ZNF326: variants seen among roughly 807,000 people sequenced by gnomAD.
The protein encoded by ZNF326 is zinc finger protein 326.
A neutral mutation model predicts 63.1 loss-of-function variants in ZNF326; 30 were observed. The observed-to-expected ratio is 0.48, with a 90% CI of 0.36 to 0.64. ZNF326 has a LOEUF of 0.64. ZNF326 is among the 30% of genes least tolerant of loss of function. ZNF326 has a pLI of 0.00. For synonymous variants in ZNF326, 194 were observed against 228.2 expected (o/e 0.85, Z 1.35); for missense variants, 609 against 720.3 (o/e 0.85, Z 1.77).
chr1:90,020,664 A>G lies in ZNF326; in HGVS notation c.1175-128A>G, dbSNP rs371353845. The G allele has an allele frequency of 5.3e-5, 44 of 824,952 alleles. No homozygotes were observed. In the South Asian group the frequency reaches 7.9e-4, roughly 15 times the overall value. The allele number at this position is 824,952 out of a possible 1,614,324, so 51.1% of individuals were successfully genotyped here. A position where few individuals can be genotyped will look rare whatever the true frequency, so the allele number is the denominator to read the frequency against. On this transcript the variant is annotated intron_variant, in intron 9 of 11. Transcript: ENST00000340281. ...AGATGTGGTAGAAATACTCAGCATAAACCTATGCACTCTGATCTTTATTTT... is the reference window on the plus strand; with the variant it reads ...AGATGTGGTAGAAATACTCAGCATAGACCTATGCACTCTGATCTTTATTTT...
At chr1:90,017,753 G>A (rs1489710593) in intron 8 of ZNF326, among the ~76,000 whole-genome samples, 1 of 152,118 alleles carries the variant, frequency 6.6e-6, no homozygotes, top group African/African-American at 2.4e-5. Flanking sequence ...AGTTGTGCTG[G>A]TTACATTCAT....
intron 7 of ZNF326, among the ~76,000 whole-genome samples, chr1:90,014,093 C>G (rs973397430): frequency 6.6e-6 from 1 of 150,700 alleles, no homozygotes; most frequent in Non-Finnish European, 1.5e-5. Context: ...ATTGGTTGAA[C>G]AATGAAATAA....
intron 4 of ZNF326, chr1:90,005,947 C>T: frequency 7.1e-6 from 7 of 985,430 alleles, no homozygotes; most frequent in Non-Finnish European, 8.4e-6. Context: ...TAAACAACTA[C>T]AAGCTTTAAG....
At chr1:90,018,654 C>T in intron 8 of ZNF326, 31 bp from the exon 9 acceptor site, 1 of 1,333,464 alleles carries the variant, frequency 7.5e-7, no homozygotes, top group Non-Finnish European at 1.1e-6. Context: ...TCATTGAAAG[C>T]TATTTAGATT....
intron 11 of ZNF326, among the ~76,000 whole-genome samples, chr1:90,027,065 A>ATG (rs59960066): frequency 0.57 from 84,574 of 149,186 alleles, 23,978 homozygotes; most frequent in East Asian, 0.81. Flanking sequence ...ATGTGTATAT[A>ATG]TGTGTGTGTG....
At chr1:90,024,099 A>G (rs1649898256) in intron 11 of ZNF326, among the ~76,000 whole-genome samples, 1 of 152,112 alleles carries the variant, frequency 6.6e-6, no homozygotes, top group Non-Finnish European at 1.5e-5. Context: ...CCCTGTTGTC[A>G]TTCCCCAGAA....
At chr1:90,019,988 C>T (rs1360553160) in intron 9 of ZNF326, among the ~76,000 whole-genome samples, 1 of 152,056 alleles carries the variant, frequency 6.6e-6, no homozygotes, top group Non-Finnish European at 1.5e-5. Flanking sequence ...CAGTTGATAA[C>T]ATCAATTCTC....
intron 11 of ZNF326, among the ~76,000 whole-genome samples, chr1:90,025,085 C>T (rs1385786642): frequency 1.4e-5 from 2 of 147,780 alleles, no homozygotes; most frequent in Admixed American, 1.4e-4. Context: ...CCTATTTTAT[C>T]ATCTTGTCTC....
intron 2 of ZNF326, among the ~76,000 whole-genome samples, chr1:90,000,566 G>A (rs755536151): frequency 4.6e-5 from 7 of 152,094 alleles, no homozygotes; most frequent in Non-Finnish European, 8.8e-5. Context: ...TTAGCCAGGC[G>A]TGGTGGTGCC....
chr1:90,005,776 T>A (rs779561467), intron 4 of ZNF326: 1,016 of 984,444 alleles, frequency 1.0e-3, no homozygotes, highest in Non-Finnish European at 1.2e-3. Flanking sequence ...AAAATATTTT[T>A]AAAATTATGT....
chr1:90,011,815 T>C (rs1225029726), intron 6 of ZNF326, among the ~76,000 whole-genome samples: 2 of 152,104 alleles, frequency 1.3e-5, no homozygotes, highest in African/African-American at 2.4e-5. Flanking sequence ...TTTAAAGTAG[T>C]ATTCCAACAA....
At position 89,995,186 on chromosome 1, in the gene ZNF326, G is replaced by C. The variant is rs1254408134; in HGVS notation, c.-72G>C. 31 of 1,506,878 alleles carry C rather than the reference G, an allele frequency of 2.1e-5. No homozygotes were observed. The highest frequency in any genetic ancestry group is 1.8e-4 in the South Asian group (15 of 81,982). The allele number at this position is 1,506,878 out of a possible 1,614,324, so 93.3% of individuals were successfully genotyped here. Reference sequence around the variant, plus strand: ...GCGCGGAGTGATCGTGTGGAATCGCGGGTCGCGGACGCTCGCCGCCGGCCA... The same window carrying C: ...GCGCGGAGTGATCGTGTGGAATCGCCGGTCGCGGACGCTCGCCGCCGGCCA... On this transcript the variant is annotated 5_prime_UTR_variant, in exon 1 of 12. Transcript: ENST00000340281.
In ZNF326 at chr1:90,031,589, C is replaced by G. The variant is rs1023009346; in HGVS notation, c.*3888C>G. On this transcript the variant is annotated 3_prime_UTR_variant, in exon 12 of 12. Transcript: ENST00000340281. ...TTTTTTTTTTTGAGACATAGCCTCACTCTGTCACCCAGGCTGGAGTTCAGT... is the reference window on the plus strand; with the variant it reads ...TTTTTTTTTTTGAGACATAGCCTCAGTCTGTCACCCAGGCTGGAGTTCAGT... The G allele has an allele frequency of 8.7e-5, 13 of 149,322 alleles. No homozygotes were observed. Among genetic ancestry groups the G allele is most frequent in the African/African-American group, 3.0e-4 (12 of 40,378 alleles). 9.2% of individuals were successfully genotyped at this position (149,322 alleles called of 1,614,324 possible). A position where few individuals can be genotyped will look rare whatever the true frequency, so the allele number is the denominator to read the frequency against.
Position 90,018,707 on chromosome 1 carries a change from A to G in ZNF326, c.1097A>G (p.Lys366Arg), listed in dbSNP as rs565838827. 6.7e-5 allele frequency: 106 copies of G among 1,579,602 alleles called. No individual in the cohort carries two copies. The South Asian group carries it at 1.1e-3, about 16-fold the overall frequency. The change falls in exon 9 of 12, where the codon AAG becomes AGG. Residue 366 changes from lysine (K) to arginine (R), a missense_variant. Lys to Arg is a conservative substitution (Grantham distance 26). Transcript: ENST00000340281. ...FLHECMVNKF[K>R]KTSIRKQQTN... Reference sequence around the variant, plus strand: ...TAGGAGTGTATGGTGAATAAATTCAAGAAAACATCTATTCGTAAGCAACAG... The same window carrying G: ...TAGGAGTGTATGGTGAATAAATTCAGGAAAACATCTATTCGTAAGCAACAG...
chr1:89,998,138 T>G lies in ZNF326; in HGVS notation c.45T>G (p.Thr15=). The G allele has an allele frequency of 6.2e-7, 1 of 1,613,302 alleles. No individual in the cohort carries two copies. The highest frequency in any genetic ancestry group is 8.5e-7 in the Non-Finnish European group (1 of 1,179,854). ...DDYTHSACRN[T]YQGFNGMDRD... ...ACACACACTCCGCCTGCAGGAATACTTATCAGGGCTTTAATGGTAAGTATC... is the reference window on the plus strand; with the variant it reads ...ACACACACTCCGCCTGCAGGAATACGTATCAGGGCTTTAATGGTAAGTATC... The change falls in exon 2 of 12, where the codon ACT becomes ACG. Residue 15 remains threonine, a synonymous_variant. Coordinates refer to ENST00000340281, the MANE Select transcript of ZNF326 (RefSeq NM_182976.4).
intron 2 of ZNF326, among the ~76,000 whole-genome samples, chr1:89,998,795 CA>C (rs1648524957): frequency 6.6e-6 from 1 of 152,068 alleles, no homozygotes; most frequent in Non-Finnish European, 1.5e-5. Flanking sequence ...ACAATTAATG[CA>C]GGTTAAAAAA....
intron 11 of ZNF326, among the ~76,000 whole-genome samples, chr1:90,022,837 G>C (rs1649840433): frequency 6.6e-6 from 1 of 152,170 alleles, no homozygotes; most frequent in African/African-American, 2.4e-5. Context: ...GGACCCACAA[G>C]GGACTGTGTT....
intron 7 of ZNF326, among the ~76,000 whole-genome samples, chr1:90,015,450 C>G (rs979803586): frequency 6.6e-6 from 1 of 152,184 alleles, no homozygotes; most frequent in African/African-American, 2.4e-5. Flanking sequence ...GAGGCCAAGG[C>G]AGGCGGATTG....
Position 90,027,746 on chromosome 1 carries a change from A to G in ZNF326, c.*45A>G. 1.9e-6 allele frequency: 3 copies of G among 1,589,698 alleles called. No homozygotes were observed. Among genetic ancestry groups the G allele is most frequent in the Non-Finnish European group, 8.6e-7 (1 of 1,162,530 alleles). On this transcript the variant is annotated 3_prime_UTR_variant, in exon 12 of 12. Coordinates refer to ENST00000340281, the MANE Select transcript of ZNF326 (RefSeq NM_182976.4). ...AAAGGAGCTTTACATTTCGGTTCTA[A>G]TGTAAAAAAGGGTAAGAAATTTAAT...
Sources: allele counts gnomAD v4.1 joint callset (sites outside exome capture counted in the v4.1 genomes callset), GRCh38; gene constraint gnomAD v4.1.1; transcripts MANE v1.5; gene names NCBI Gene and HGNC (gene_info 2026-07-23, HGNC 2026-07-21).